DOCK10: variants seen among roughly 807,000 people sequenced by gnomAD.
DOCK10 encodes the protein dedicator of cytokinesis 10.
A neutral mutation model predicts 280.1 loss-of-function variants in DOCK10; 145 were observed. That is an observed-to-expected ratio of 0.52 (90% CI 0.45 to 0.59). The LOEUF is 0.59. DOCK10 is among the 20% of genes least tolerant of loss of function. DOCK10 has a pLI of 0.00. For missense variants in DOCK10, 2,368 were observed against 2,651.7 expected (o/e 0.89, Z 2.35); for synonymous variants, 915 against 942.2 (o/e 0.97, Z 0.53).
At chr2:224,782,572 G>A (rs781471606) in intron 50 of DOCK10, among the ~76,000 whole-genome samples, 23 of 152,132 alleles carry the variant, frequency 1.5e-4, no homozygotes, top group Non-Finnish European at 2.2e-4. Context: ...TGCTGATGCC[G>A]GGTGTTGCAT....
chr2:224,959,521 T>G (rs1198310577), intron 1 of DOCK10, among the ~76,000 whole-genome samples: 2 of 151,374 alleles, frequency 1.3e-5, no homozygotes. Flanking sequence ...CCACATTTAG[T>G]CCAGATGATG....
intron 7 of DOCK10, among the ~76,000 whole-genome samples, chr2:224,885,331 G>T (rs1699214534): frequency 6.6e-6 from 1 of 152,136 alleles, no homozygotes; most frequent in African/African-American, 2.4e-5. Flanking sequence ...TAGATCAAAT[G>T]ATCTCTCTTC....
intron 55 of DOCK10, chr2:224,769,019 A>G (rs1690241414): frequency 2.3e-6 from 1 of 435,760 alleles, no homozygotes; most frequent in Admixed American, 2.7e-5. Flanking sequence ...GTTGGAGACA[A>G]GCATTCCTTC....
chr2:224,950,585 T>C (rs1703673566), intron 1 of DOCK10, among the ~76,000 whole-genome samples: 1 of 152,062 alleles, frequency 6.6e-6, no homozygotes, highest in Non-Finnish European at 1.5e-5. Flanking sequence ...ATGGGTAATA[T>C]GAGTGAGGGA....
chr2:224,804,069 A>C (rs1252218440), intron 39 of DOCK10, 43 bp downstream of exon 39: 1 of 1,196,112 alleles, frequency 8.4e-7, no homozygotes, highest in Non-Finnish European at 1.2e-6. Flanking sequence ...ACACACACAC[A>C]CAGCTATATA....
chr2:224,786,984 G>C lies in DOCK10; in HGVS notation c.5655+38C>G. ...ATGAAAGACAACATTCAACTGCTCA[G>C]CAGAATTTATGGGCCGTGTTATTTC... On this transcript the variant is annotated intron_variant, in intron 50 of 55. Coordinates refer to ENST00000258390, the MANE Select transcript of DOCK10 (RefSeq NM_014689.3). The surrounding 1 kb of genome is among the most constrained non-coding windows in gnomAD (Gnocchi z 4.7). The C allele has an allele frequency of 6.9e-6, 10 of 1,452,168 alleles. No homozygotes were observed. Among genetic ancestry groups the C allele is most frequent in the Non-Finnish European group, 9.7e-6 (10 of 1,032,542 alleles). 90.0% of individuals were successfully genotyped at this position (1,452,168 alleles called of 1,614,324 possible).
rs1184339696 is a variant in DOCK10 at position 224,982,594 on chromosome 2, G to A, written c.124-50926C>T. ...ACACTCAGGAATATTAGAGCACTGC[G>A]CTCAGAAAGTATTTCTCAATTCACA... On this transcript the variant is annotated intron_variant, in intron 1 of 55. Coordinates refer to ENST00000258390, the MANE Select transcript of DOCK10 (RefSeq NM_014689.3). 5 of 845,766 alleles carry A rather than the reference G, an allele frequency of 5.9e-6. No individual in the cohort carries two copies. In the East Asian group the frequency reaches 3.7e-4, roughly 62 times the overall value. 52.4% of individuals were successfully genotyped at this position (845,766 alleles called of 1,614,324 possible). A position where few individuals can be genotyped will look rare whatever the true frequency, so the allele number is the denominator to read the frequency against.
At chr2:225,023,028 C>A (rs1559971452) in intron 1 of DOCK10, among the ~76,000 whole-genome samples, 2 of 152,082 alleles carry the variant, frequency 1.3e-5, no homozygotes, top group African/African-American at 4.8e-5. Flanking sequence ...CAAATTTCCT[C>A]CTACAAGACA....
At chr2:224,813,586 A>C (rs1693929256) in intron 31 of DOCK10, among the ~76,000 whole-genome samples, 1 of 152,238 alleles carries the variant, frequency 6.6e-6, no homozygotes. Flanking sequence ...TAGGCTAAGC[A>C]CTTTATGTGC....
intron 47 of DOCK10, among the ~76,000 whole-genome samples, chr2:224,791,574 C>T (rs1277920946): frequency 2.0e-5 from 3 of 151,510 alleles, no homozygotes; most frequent in Admixed American, 2.0e-4. Flanking sequence ...AAGCAATTCT[C>T]TGCCTCAGCC....
intron 11 of DOCK10, among the ~76,000 whole-genome samples, chr2:224,866,452 C>T (rs1194475642): frequency 6.6e-6 from 1 of 152,108 alleles, no homozygotes; most frequent in Non-Finnish European, 1.5e-5. Context: ...TGCTGGTTTT[C>T]TCCATTATAA....
At chr2:225,018,808 G>C (rs1689700716) in intron 1 of DOCK10, among the ~76,000 whole-genome samples, 1 of 140,472 alleles carries the variant, frequency 7.1e-6, no homozygotes, top group Non-Finnish European at 1.5e-5. Flanking sequence ...TATATATACA[G>C]ATATATATGC....
In DOCK10 at chr2:224,960,825, C is replaced by T. The variant is rs548348262; in HGVS notation, c.124-29157G>A. On this transcript the variant is annotated intron_variant, in intron 1 of 55. Transcript: ENST00000258390. The stretch of plus-strand genomic sequence containing the variant: ...CGCTATCTCGACTCACTGCAAGCTC[C>T]GCCTCCCGGGTTCACGCCATTCTCC... Among the ~76,000 whole-genome samples, 79 of 149,418 alleles carry T rather than the reference C, an allele frequency of 5.3e-4. 1 individual carries two copies. The highest frequency in any genetic ancestry group is 1.3e-3 in the South Asian group (6 of 4,726).
chr2:224,886,184 T>C lies in DOCK10; in HGVS notation c.491A>G (p.Asp164Gly). Residue 164 changes from aspartate to glycine, a missense_variant and splice_region_variant, in exon 6 of 56, where the codon GAT becomes GGT. Physicochemically the swap from Asp to Gly is moderately conservative, Grantham distance 94. Transcript: ENST00000258390. ...CTTGGAAGACGAGTGGGAAGTGGTA[T>C]CCTGTAGGAAAGGCATAGTAGCATG... ...IDHEDADKDEDTTSHSSSKGG... is the reference protein window; with the variant it reads ...IDHEDADKDEGTTSHSSSKGG... 1 of 1,613,806 alleles carries C rather than the reference T, an allele frequency of 6.2e-7. No individual in the cohort carries two copies. The highest frequency in any genetic ancestry group is 8.5e-7 in the Non-Finnish European group (1 of 1,179,818).
intron 27 of DOCK10, among the ~76,000 whole-genome samples, chr2:224,823,956 C>A (rs1315270681): frequency 6.6e-6 from 1 of 152,152 alleles, no homozygotes; most frequent in Non-Finnish European, 1.5e-5. Flanking sequence ...TGAACCTTCT[C>A]TGTGGCCTCT....
intron 1 of DOCK10, chr2:224,946,933 C>T (rs1703454141): frequency 6.5e-7 from 1 of 1,543,294 alleles, no homozygotes; most frequent in Admixed American, 2.0e-5. Context: ...CGTTTAAAAA[C>T]CTTCCCTCGA....
chr2:224,962,294 C>CA (rs1430887144), intron 1 of DOCK10, among the ~76,000 whole-genome samples: 3 of 152,148 alleles, frequency 2.0e-5, no homozygotes, highest in Non-Finnish European at 4.4e-5. Flanking sequence ...GCATTGGGTT[C>CA]ACGGGGTTTC....
intron 1 of DOCK10, among the ~76,000 whole-genome samples, chr2:224,933,298 G>A (rs1318994937): frequency 6.6e-6 from 1 of 152,136 alleles, no homozygotes; most frequent in East Asian, 1.9e-4. Context: ...CCAGGCAAAG[G>A]TTAATTCCAA....
At chr2:224,959,612 C>A (rs909189363) in intron 1 of DOCK10, among the ~76,000 whole-genome samples, 1 of 152,134 alleles carries the variant, frequency 6.6e-6, no homozygotes, top group African/African-American at 2.4e-5. Flanking sequence ...TGCCTTCTCA[C>A]TAGATGACAT....
Sources: gnomAD v4.1 joint callset for allele counts (sites outside exome capture counted in the v4.1 genomes callset) on GRCh38, gnomAD v4.1.1 for gene constraint, Gnocchi (gnomAD v3.1) non-coding constraint, MANE v1.5 for transcripts, NCBI Gene and HGNC (gene_info 2026-07-23, HGNC 2026-07-21) for gene names.